Variants in COL21A1 observed in about 807,000 individuals in gnomAD.
COL21A1 encodes the protein collagen alpha-1(XXI) chain.
COL21A1 carries 149 observed loss-of-function variants against 137.9 expected under a neutral mutation model. The ratio of observed to expected loss-of-function variants is 1.08; its 90% CI spans 0.95 to 1.24. The LOEUF is 1.24. COL21A1 is among the 50% of genes most tolerant of loss of function. COL21A1 has a pLI of 0.00. For missense variants in COL21A1, 1,167 were observed against 1,158.4 expected, an observed-to-expected ratio of 1.01 and a Z score of -0.11; for synonymous variants, 456 against 391.5, an observed-to-expected ratio of 1.16 and a Z score of -1.95.
chr6:56,372,743 C>T (rs866474900), intron 1 of COL21A1, among the ~76,000 whole-genome samples: 3 of 152,098 alleles, frequency 2.0e-5, no homozygotes, highest in Non-Finnish European at 4.4e-5. Context: ...TGGTTTTTCT[C>T]CCTCCTTTAT....
Position 56,102,474 on chromosome 6 carries a change from C to T in COL21A1, c.1759-949G>A, listed in dbSNP as rs145956427. On this transcript the variant is annotated intron_variant, in intron 16 of 29. Transcript: ENST00000244728. ...TTTCATACCAGAAAGAACATTTTAT[C>T]CTAGATGAAAGCAAGATAGGAGGTA... 4.4e-3 allele frequency among the ~76,000 whole-genome samples: 668 copies of T among 152,158 alleles called. 3 individuals carry two copies. The highest frequency in any genetic ancestry group is 5.4e-3 in the Non-Finnish European group (365 of 67,966).
intron 1 of COL21A1, among the ~76,000 whole-genome samples, chr6:56,228,324 G>C (rs1009014918): frequency 6.6e-6 from 1 of 151,816 alleles, no homozygotes; most frequent in Admixed American, 6.6e-5. Context: ...AGGACAGTGA[G>C]AGCAGAAAGT....
At chr6:56,097,235 C>T (rs1449459559) in intron 17 of COL21A1, among the ~76,000 whole-genome samples, 1 of 152,088 alleles carries the variant, frequency 6.6e-6, no homozygotes, top group Non-Finnish European at 1.5e-5. Flanking sequence ...CTCCTGTGTT[C>T]CCCAATCCAT....
Position 56,110,574 on chromosome 6 carries a change from C to T in COL21A1, c.1759-9049G>A, listed in dbSNP as rs148740337. On this transcript the variant is annotated intron_variant, in intron 16 of 29. Transcript: ENST00000244728. ...CTTTATTTGTAGTCAATATAATCAT[C>T]TATGTAGAAAAACCTGAGAAATCAA... Among the ~76,000 whole-genome samples the T allele has an allele frequency of 7.5e-4, 114 of 151,838 alleles. 3 individuals are homozygous for T. Among genetic ancestry groups the T allele is most frequent in the South Asian group, 6.0e-3 (29 of 4,816 alleles).
chr6:56,075,230 T>A (rs1355074242), intron 19 of COL21A1, among the ~76,000 whole-genome samples: 1 of 151,618 alleles, frequency 6.6e-6, no homozygotes, highest in East Asian at 1.9e-4. Flanking sequence ...GTTTTCTAAT[T>A]TATCTACAGT....
intron 1 of COL21A1, among the ~76,000 whole-genome samples, chr6:56,219,874 T>C (rs1431278287): frequency 6.6e-6 from 1 of 152,152 alleles, no homozygotes; most frequent in African/African-American, 2.4e-5. Context: ...TACCTCTATT[T>C]ATTAAATGCC....
At chr6:56,234,321 G>C (rs1012580715) in intron 1 of COL21A1, among the ~76,000 whole-genome samples, 24 of 151,530 alleles carry the variant, frequency 1.6e-4, no homozygotes, top group African/African-American at 5.8e-4. Context: ...ACTAATAAAA[G>C]AAAATAAATA....
At chr6:56,360,934 T>C (rs1765951519) in intron 1 of COL21A1, among the ~76,000 whole-genome samples, 2 of 152,102 alleles carry the variant, frequency 1.3e-5, no homozygotes. Flanking sequence ...ACTCCGTCTC[T>C]ACTAAAAATA....
chr6:56,274,724 A>C (rs973749885), intron 1 of COL21A1, among the ~76,000 whole-genome samples: 12 of 152,204 alleles, frequency 7.9e-5, no homozygotes, highest in African/African-American at 2.7e-4. Context: ...ATCAGAGATG[A>C]AACAAAAAAA....
chr6:56,241,656 A>C (rs1052852489), intron 1 of COL21A1, among the ~76,000 whole-genome samples: 1 of 152,192 alleles, frequency 6.6e-6, no homozygotes, highest in Admixed American at 6.5e-5. Context: ...CCTTCTCCAC[A>C]ATGCTTCTCT....
At chr6:56,086,015 G>A (rs1321140953) in intron 17 of COL21A1, among the ~76,000 whole-genome samples, 1 of 149,742 alleles carries the variant, frequency 6.7e-6, no homozygotes, top group African/African-American at 2.4e-5. Flanking sequence ...ATATATAAGT[G>A]AGACTCTCCT....
intron 1 of COL21A1, among the ~76,000 whole-genome samples, chr6:56,372,791 G>A (rs1486846088): frequency 1.3e-5 from 2 of 152,126 alleles, no homozygotes; most frequent in Non-Finnish European, 2.9e-5. Context: ...CCCATGATAG[G>A]GAAGGTGGCT....
At chr6:56,072,216 T>C (rs1766818615) in intron 20 of COL21A1, among the ~76,000 whole-genome samples, 1 of 151,578 alleles carries the variant, frequency 6.6e-6, no homozygotes, top group Non-Finnish European at 1.5e-5. Context: ...CTGATGGGCA[T>C]TTGAGTTCAT....
At chr6:56,148,338 CAGAGAG>C (rs150898619) in intron 10 of COL21A1, among the ~76,000 whole-genome samples, 12 of 133,278 alleles carry the variant, frequency 9.0e-5, no homozygotes, top group African/African-American at 2.0e-4. Context: ...AGACAAGAGA[CAGAGAG>C]AGAGAGAGAG....
chr6:56,185,443 T>TTTTTTC (rs1778205266), intron 1 of COL21A1, among the ~76,000 whole-genome samples: 1 of 140,940 alleles, frequency 7.1e-6, no homozygotes, highest in Non-Finnish European at 1.5e-5. Flanking sequence ...TTTTTTTTTT[T>TTTTTTC]TTTGAGACGG....
chr6:56,227,295 G>T (rs1375192383), intron 1 of COL21A1, among the ~76,000 whole-genome samples: 2 of 152,002 alleles, frequency 1.3e-5, no homozygotes, highest in Non-Finnish European at 2.9e-5. Context: ...CAAGAAAACT[G>T]GTCTCATATC....
At chr6:56,183,654 G>A (rs1251982841) in intron 1 of COL21A1, among the ~76,000 whole-genome samples, 1 of 152,136 alleles carries the variant, frequency 6.6e-6, no homozygotes, top group Non-Finnish European at 1.5e-5. Flanking sequence ...ATATAAAACA[G>A]TGGCCAAGAC....
chr6:56,129,262 G>C (rs1228461759), intron 12 of COL21A1, among the ~76,000 whole-genome samples: 4 of 151,982 alleles, frequency 2.6e-5, no homozygotes, highest in Non-Finnish European at 5.9e-5. Context: ...GTGTGTACTG[G>C]CAAAAGGGGG....
rs755052260 is a variant in COL21A1 at position 56,104,417 on chromosome 6, A to AT, written c.1759-2893dup. 3.9e-5 allele frequency among the ~76,000 whole-genome samples: 6 copies of AT among 152,238 alleles called. No homozygotes were observed. In the East Asian group the frequency reaches 9.7e-4, roughly 24 times the overall value. ...CACTCTCTTCATTTTTTAATAATGG[A>AT]TTTTAATAATGTTTCATCAAGAAAT... is the stretch of plus-strand genomic sequence containing the variant. On this transcript the variant is annotated intron_variant, in intron 16 of 29. Coordinates refer to ENST00000244728, the MANE Select transcript of COL21A1 (RefSeq NM_030820.4).
Sources: gnomAD v4.1 joint callset for allele counts (sites outside exome capture counted in the v4.1 genomes callset) on GRCh38, gnomAD v4.1.1 for gene constraint, MANE v1.5 for transcripts, NCBI Gene and HGNC (gene_info 2026-07-23, HGNC 2026-07-21) for gene names.